The following TNR variants were observed in gnomAD, a reference collection of about 807,000 sequenced individuals.
The protein encoded by TNR is tenascin-R.
In TNR, 45 loss-of-function variants were observed where a neutral mutation model predicts 150.4. The ratio of observed to expected loss-of-function variants is 0.30; its 90% CI spans 0.24 to 0.38. TNR has a LOEUF of 0.38. Among genes scored for constraint, TNR ranks in the 10% least tolerant of loss-of-function variants. The pLI, the probability that TNR is intolerant of heterozygous loss-of-function variation, is 1.00. For synonymous variants in TNR, 687 were observed against 678.4 expected (o/e 1.01, Z -0.20); for missense variants, 1,544 against 1,759.1 (o/e 0.88, Z 2.19).
At chr1:175,644,865 C>T (rs1240836348) in intron 1 of TNR, among the ~76,000 whole-genome samples, 2 of 152,216 alleles carry the variant, frequency 1.3e-5, no homozygotes, top group African/African-American at 2.4e-5. Context: ...TGTCAGATGC[C>T]CTGTTTATTT....
intron 2 of TNR, among the ~76,000 whole-genome samples, chr1:175,473,195 A>T (rs1273432908): frequency 6.6e-6 from 1 of 152,210 alleles, no homozygotes; most frequent in African/African-American, 2.4e-5. Flanking sequence ...CATCTTAGGC[A>T]GTAGCAAACC....
At chr1:175,337,835 G>A (rs941469985) in intron 18 of TNR, among the ~76,000 whole-genome samples, 156 bp from the exon 19 acceptor site, 1 of 152,166 alleles carries the variant, frequency 6.6e-6, no homozygotes, top group Non-Finnish European at 1.5e-5. Context: ...TGGGGACTTG[G>A]CATCATCTTG....
At chr1:175,624,892 C>T (rs538632785) in intron 1 of TNR, among the ~76,000 whole-genome samples, 2 of 152,280 alleles carry the variant, frequency 1.3e-5, no homozygotes, top group East Asian at 1.9e-4. Flanking sequence ...GAGGATGGGG[C>T]CCCCTTCTTC....
chr1:175,513,861 G>A (rs538472977), intron 2 of TNR, among the ~76,000 whole-genome samples: 5 of 152,302 alleles, frequency 3.3e-5, no homozygotes, highest in African/African-American at 9.6e-5. Context: ...TCTAATCCGC[G>A]GAAAATTTGT....
chr1:175,406,819 T>C, intron 2 of TNR, 42 bp from the exon 3 acceptor site: 2 of 1,460,312 alleles, frequency 1.4e-6, no homozygotes, highest in Non-Finnish European at 1.9e-6. Flanking sequence ...CTGAGACCTA[T>C]GCCTTGGCAC....
At chr1:175,407,947 G>T (rs934392941) in intron 2 of TNR, among the ~76,000 whole-genome samples, 3 of 152,172 alleles carry the variant, frequency 2.0e-5, no homozygotes, top group Non-Finnish European at 4.4e-5. Flanking sequence ...TAATTTCTAA[G>T]ATCTTCCCAG....
intron 1 of TNR, among the ~76,000 whole-genome samples, chr1:175,684,318 C>T (rs115298227): frequency 0.015 from 2,273 of 152,248 alleles, 69 homozygotes; most frequent in African/African-American, 0.051. Context: ...CAGAGCCTAC[C>T]CTCCTACCCT....
chr1:175,664,376 C>T (rs1030963748), intron 1 of TNR, among the ~76,000 whole-genome samples: 2 of 152,188 alleles, frequency 1.3e-5, no homozygotes, highest in Admixed American at 1.3e-4. Context: ...ACACCCACTG[C>T]ATCAGGTGCG....
chr1:175,523,002 T>A (rs1225161759), intron 2 of TNR, among the ~76,000 whole-genome samples: 1 of 152,244 alleles, frequency 6.6e-6, no homozygotes, highest in Non-Finnish European at 1.5e-5. Flanking sequence ...AATTTGTATC[T>A]GCACATTGAC....
intron 1 of TNR, among the ~76,000 whole-genome samples, chr1:175,532,389 T>G (rs1349745000): frequency 2.0e-5 from 3 of 152,182 alleles, no homozygotes; most frequent in African/African-American, 7.2e-5. Context: ...ATATTCTGCT[T>G]CTAAATAAAC....
intron 2 of TNR, among the ~76,000 whole-genome samples, chr1:175,461,366 T>G (rs571247370): frequency 6.6e-6 from 1 of 152,260 alleles, no homozygotes; most frequent in East Asian, 1.9e-4. Flanking sequence ...ATGTTTTACC[T>G]CCCCTGGCTC....
intron 2 of TNR, among the ~76,000 whole-genome samples, chr1:175,498,130 C>G (rs1315599930): frequency 2.6e-5 from 4 of 152,134 alleles, no homozygotes. Context: ...AACAAACAAA[C>G]AAACACAAAT....
At chr1:175,569,566 T>C (rs1661779718) in intron 1 of TNR, among the ~76,000 whole-genome samples, 1 of 152,076 alleles carries the variant, frequency 6.6e-6, no homozygotes, top group Non-Finnish European at 1.5e-5. Context: ...TGTGATGAAA[T>C]TTGTGGTTTT....
At position 175,330,159 on chromosome 1, in the gene TNR, G is replaced by A. The variant is rs755070959; in HGVS notation, c.3708C>T (p.Ala1236=). ...LRVDMRDGQE[A]AFASYDRFSV... ...AGAACCTGTCGTAGGAGGCGAAGGC[G>A]GCCTCTTGGCCATCCCGCATGTCCA... is the stretch of plus-strand genomic sequence containing the variant. The change falls in exon 21 of 23, where the codon GCC becomes GCT. Residue 1236 remains alanine, a synonymous_variant. Transcript: ENST00000367674. 1.2e-5 allele frequency: 20 copies of A among 1,613,500 alleles called. No homozygotes were observed. Among genetic ancestry groups the A allele is most frequent in the African/African-American group, 5.3e-5 (4 of 74,922 alleles).
chr1:175,402,011 T>C (rs1653722348), intron 4 of TNR, among the ~76,000 whole-genome samples: 1 of 152,084 alleles, frequency 6.6e-6, no homozygotes, highest in South Asian at 2.1e-4. Flanking sequence ...CTGATTTGCA[T>C]AAAAAAGGGA....
At chr1:175,645,766 T>C (rs1664794595) in intron 1 of TNR, among the ~76,000 whole-genome samples, 3 of 152,248 alleles carry the variant, frequency 2.0e-5, no homozygotes, top group African/African-American at 7.2e-5. Flanking sequence ...TAAATGATTG[T>C]CATATACCTT....
intron 1 of TNR, among the ~76,000 whole-genome samples, chr1:175,649,960 C>T (rs1327618861): frequency 1.3e-5 from 2 of 152,102 alleles, no homozygotes; most frequent in Non-Finnish European, 2.9e-5. Context: ...ATTACAACTT[C>T]CCCATGTTAA....
In TNR at chr1:175,417,059, G is replaced by GAAAGAAAGAAAC. The variant is rs1654518036; in HGVS notation, c.-63-10283_-63-10282insGTTTCTTTCTTT. Among the ~76,000 whole-genome samples, 8 of 103,670 alleles carry GAAAGAAAGAAAC rather than the reference G, an allele frequency of 7.7e-5. No homozygotes were observed. In the Admixed American group the frequency reaches 8.1e-4, roughly 11 times the overall value. The allele number at this position is 103,670 out of a possible 152,430, so 68.0% of individuals were successfully genotyped here. Reference sequence around the variant, plus strand: ...AGAAAGAAAGAAAGAAAGAAAGAAAGAAAGAAAGAAAGAAAGAAATCTAAG... The same window carrying GAAAGAAAGAAAC: ...AGAAAGAAAGAAAGAAAGAAAGAAAGAAAGAAAGAAACAAAGAAAGAAAGAAAGAAATCTAAG... On this transcript the variant is annotated intron_variant, in intron 2 of 22. Transcript: ENST00000367674.
At chr1:175,344,790 C>A (rs1235002011) in intron 18 of TNR, among the ~76,000 whole-genome samples, 2 of 152,110 alleles carry the variant, frequency 1.3e-5, no homozygotes, top group Non-Finnish European at 2.9e-5. Context: ...GAATAAAAAT[C>A]ATCAATTTTA....
Sources: allele counts gnomAD v4.1 joint callset (sites outside exome capture counted in the v4.1 genomes callset), GRCh38; gene constraint gnomAD v4.1.1; transcripts MANE v1.5; gene names NCBI Gene and HGNC (gene_info 2026-07-23, HGNC 2026-07-21).